DNAH8: variants seen among roughly 807,000 people sequenced by gnomAD.
DNAH8 encodes the protein dynein axonemal heavy chain 8, also known as axonemal beta dynein heavy chain 8.
A neutral mutation model predicts 562.1 loss-of-function variants in DNAH8; 382 were observed. That is an observed-to-expected ratio of 0.68 (90% CI 0.63 to 0.74). The LOEUF (loss-of-function observed/expected upper bound fraction) is 0.74, where lower values mean the gene tolerates loss of function less well. DNAH8 is among the 30% of genes least tolerant of loss of function. The pLI is 0.00. For missense variants in DNAH8, 5,203 were observed against 5,620.4 expected (o/e 0.93, Z 2.37); for synonymous variants, 1,881 against 1,919.4 (o/e 0.98, Z 0.52).
At chr6:38,930,736 C>T (rs764070859) in intron 75 of DNAH8, among the ~76,000 whole-genome samples, 4 of 152,016 alleles carry the variant, frequency 2.6e-5, no homozygotes, top group Non-Finnish European at 5.9e-5. Flanking sequence ...AGGTAAAGAT[C>T]GTATATATTT....
At chr6:38,943,483 G>GT (rs58893645) in intron 79 of DNAH8, among the ~76,000 whole-genome samples, 31,477 of 151,866 alleles carry the variant, frequency 0.21, 3,520 homozygotes, top group East Asian at 0.27. Context: ...AGAGTGACAG[G>GT]TTTTTTTTGT....
At chr6:38,859,857 T>C (rs540549168) in intron 42 of DNAH8, among the ~76,000 whole-genome samples, 6 of 152,314 alleles carry the variant, frequency 3.9e-5, no homozygotes, top group African/African-American at 1.4e-4. Context: ...TTAATCCCTT[T>C]AGTGGCTTCC....
At chr6:38,983,156 C>G (rs1764147830) in intron 86 of DNAH8, among the ~76,000 whole-genome samples, 1 of 152,164 alleles carries the variant, frequency 6.6e-6, no homozygotes, top group African/African-American at 2.4e-5. Flanking sequence ...AGTTAATGAG[C>G]CTTAAAGCCT....
intron 56 of DNAH8, 99 bp downstream of exon 56, chr6:38,884,097 T>A: frequency 1.1e-5 from 9 of 789,658 alleles, no homozygotes; most frequent in Non-Finnish European, 1.5e-5. Context: ...AAAAACTTTA[T>A]GTTTTTAAGT....
chr6:38,971,766 C>A, intron 83 of DNAH8, 101 bp downstream of exon 83: 1 of 898,170 alleles, frequency 1.1e-6, no homozygotes, highest in Non-Finnish European at 1.6e-6. Flanking sequence ...CCTGGTTTTT[C>A]CATTTTTGTT....
At chr6:38,743,214 G>A (rs1467841292) in intron 8 of DNAH8, among the ~76,000 whole-genome samples, 2 of 151,640 alleles carry the variant, frequency 1.3e-5, no homozygotes, top group African/African-American at 4.8e-5. Context: ...TGTTGTCCAG[G>A]CTAGTCTTAA....
intron 7 of DNAH8, among the ~76,000 whole-genome samples, chr6:38,739,517 T>C (rs1764361524): frequency 6.6e-6 from 1 of 152,058 alleles, no homozygotes; most frequent in Non-Finnish European, 1.5e-5. Context: ...AGTTAAGAAA[T>C]AGAACATGGC....
chr6:38,867,941 T>G (rs1305167863), intron 47 of DNAH8, 121 bp from the exon 48 acceptor site: 5 of 947,180 alleles, frequency 5.3e-6, no homozygotes, highest in Non-Finnish European at 7.8e-6. Context: ...CCTTTGTGGC[T>G]TAGTCACCCC....
chr6:38,863,937 A>G lies in DNAH8; in HGVS notation c.6375A>G (p.Leu2125=). ...TTAACAGAATTGAATTGCCTGTATT[A>G]TCAGTGGCAGCACAACAAATTTATA... ...DEFNRIELPV[L]SVAAQQIYIV... The change falls in exon 45 of 93, where the codon TTA becomes TTG. Residue 2125 remains leucine (L), a synonymous_variant. Transcript: ENST00000327475. The G allele has an allele frequency of 6.2e-7, 1 of 1,613,104 alleles. No homozygotes were observed. Among genetic ancestry groups the G allele is most frequent in the East Asian group, 2.2e-5 (1 of 44,852 alleles).
At chr6:38,746,826 G>A (rs1316869562) in intron 8 of DNAH8, among the ~76,000 whole-genome samples, 1 of 152,114 alleles carries the variant, frequency 6.6e-6, no homozygotes, top group Admixed American at 6.5e-5. Context: ...CTATTCGGGA[G>A]GCTGAGGAAG....
At chr6:38,718,735 T>C (rs894648975) in intron 1 of DNAH8, among the ~76,000 whole-genome samples, 40 of 152,194 alleles carry the variant, frequency 2.6e-4, no homozygotes, top group Non-Finnish European at 4.7e-4. Context: ...ATGTCAGTGT[T>C]CACAGTCACA....
At chr6:38,962,604 C>G (rs1762673332) in intron 82 of DNAH8, among the ~76,000 whole-genome samples, 1 of 152,070 alleles carries the variant, frequency 6.6e-6, no homozygotes, top group Non-Finnish European at 1.5e-5. Context: ...TTTTACCTCA[C>G]ATTAAACTCT....
chr6:38,894,737 A>G lies in DNAH8; in HGVS notation c.8620A>G (p.Ile2874Val), dbSNP rs1388110029. The change falls in exon 59 of 93, where the codon ATC (isoleucine) becomes GTC (valine). Residue 2874 changes from isoleucine to valine, a missense_variant. This residue lies in a region of DNAH8 where 977 missense variants were observed against 1,061.8 expected (regional missense o/e 0.92). Coordinates refer to ENST00000327475, the MANE Select transcript of DNAH8 (RefSeq NM_001206927.2). ...MLPTPSKFHY[I>V]FNLRDLSRIW... ...GCCAACTCCTTCTAAATTTCATTACATCTTCAATCTTCGAGATCTTTCCAG... is the reference window on the plus strand; with the variant it reads ...GCCAACTCCTTCTAAATTTCATTACGTCTTCAATCTTCGAGATCTTTCCAG... 20 of 1,613,910 alleles carry G rather than the reference A, an allele frequency of 1.2e-5. No individual in the cohort carries two copies. Among genetic ancestry groups the G allele is most frequent in the Non-Finnish European group, 1.6e-5 (19 of 1,179,946 alleles).
At chr6:39,016,348 G>A (rs1000084208) in intron 91 of DNAH8, among the ~76,000 whole-genome samples, 2 of 151,970 alleles carry the variant, frequency 1.3e-5, no homozygotes, top group Non-Finnish European at 2.9e-5. Context: ...TCAGGAGATC[G>A]AGACCATCCT....
intron 89 of DNAH8, among the ~76,000 whole-genome samples, chr6:39,010,684 T>C (rs1766131417): frequency 6.6e-6 from 1 of 152,016 alleles, no homozygotes; most frequent in Admixed American, 6.6e-5. Context: ...CAAAAGTATT[T>C]CTATAATTTC....
At chr6:38,921,593 G>T in intron 71 of DNAH8, 87 bp downstream of exon 71, 1 of 1,435,226 alleles carries the variant, frequency 7.0e-7, no homozygotes, top group Non-Finnish European at 9.3e-7. Context: ...GCAAATGGTT[G>T]TGATGAAAAA....
At chr6:38,750,676 G>A (rs931368097) in intron 9 of DNAH8, 87 bp downstream of exon 9, 3 of 789,656 alleles carry the variant, frequency 3.8e-6, no homozygotes, top group African/African-American at 1.7e-5. Context: ...GAGGTGGAAG[G>A]ATCGCTTGAG....
intron 52 of DNAH8, among the ~76,000 whole-genome samples, chr6:38,874,250 C>T: frequency 3.8e-5 from 1 of 26,028 alleles, no homozygotes; most frequent in African/African-American, 1.6e-4. Flanking sequence ...CCTCCCCTTC[C>T]CTTCCCTTCC....
intron 33 of DNAH8, among the ~76,000 whole-genome samples, chr6:38,841,484 G>T (rs1049808714): frequency 6.6e-6 from 1 of 152,038 alleles, no homozygotes; most frequent in African/African-American, 2.4e-5. Context: ...TTTATTTTTG[G>T]TTTTTGAAGT....
Sources: gnomAD v4.1 joint callset for allele counts (sites outside exome capture counted in the v4.1 genomes callset) on GRCh38, gnomAD v4.1.1 for gene constraint, gnomAD v4.1.1 regional missense constraint, MANE v1.5 for transcripts, NCBI Gene and HGNC (gene_info 2026-07-23, HGNC 2026-07-21) for gene names.